The following TENM2 variants were observed in gnomAD, a reference collection of about 807,000 sequenced individuals.
The protein encoded by TENM2 is teneurin transmembrane protein 2.
In TENM2, 52 loss-of-function variants were observed where a neutral mutation model predicts 245.2. The ratio of observed to expected loss-of-function variants is 0.21; its 90% CI spans 0.17 to 0.27. The LOEUF (loss-of-function observed/expected upper bound fraction) is 0.27, where lower values mean the gene tolerates loss of function less well. Among genes scored for constraint, TENM2 ranks in the 10% least tolerant of loss-of-function variants. TENM2 has a pLI of 1.00. For synonymous variants in TENM2, 1,363 were observed against 1,438.9 expected (o/e 0.95, Z 1.19); for missense variants, 3,046 against 3,666.8 (o/e 0.83, Z 4.37).
chr5:167,258,281 A>T, the TENM2 span, among the ~76,000 whole-genome samples: 1 of 149,660 alleles, frequency 6.7e-6, no homozygotes, highest in Non-Finnish European at 1.5e-5. Context: ...ATCAGATAGG[A>T]AAGTGTTCAG....
intron 2 of TENM2, among the ~76,000 whole-genome samples, chr5:167,563,164 G>A (rs747260201): frequency 7.9e-5 from 12 of 152,044 alleles, no homozygotes; most frequent in Non-Finnish European, 1.5e-4. Context: ...GGCTTTTCCT[G>A]AAAAAGGTGC....
intron 13 of TENM2, among the ~76,000 whole-genome samples, chr5:168,182,478 G>T (rs1240586480): frequency 6.6e-6 from 1 of 152,108 alleles, no homozygotes; most frequent in African/African-American, 2.4e-5. Flanking sequence ...CTATAGATTG[G>T]AAAACTGAGC....
rs189793591 is a variant in TENM2 at position 167,353,753 on chromosome 5, C to T, written c.227-21445C>T. On this transcript the variant is annotated intron_variant, in intron 1 of 28. Transcript: ENST00000518659. ...CGATCTCCTGACCTCGTGATCCGCC[C>T]GCCTCGGCCTCCCAAAGTGCTGGGA... Among the ~76,000 whole-genome samples the T allele has an allele frequency of 1.7e-3, 253 of 151,842 alleles. 3 individuals carry two copies. In the East Asian group the frequency reaches 0.042, roughly 25 times the overall value.
chr5:168,121,406 T>C (rs557150883), intron 10 of TENM2, among the ~76,000 whole-genome samples: 2 of 152,354 alleles, frequency 1.3e-5, no homozygotes, highest in East Asian at 3.9e-4. Context: ...TTAAAATTCA[T>C]AGTAAAACTG....
At chr5:167,170,654 A>G in the TENM2 span, among the ~76,000 whole-genome samples, 1 of 152,058 alleles carries the variant, frequency 6.6e-6, no homozygotes, top group African/African-American at 2.4e-5. Flanking sequence ...TTTTGTTTTT[A>G]TTTTGGTTTA....
chr5:167,721,544 A>G (rs981925580), intron 2 of TENM2: 11 of 152,204 alleles, frequency 7.2e-5, no homozygotes, highest in Admixed American at 5.2e-4. Context: ...TCCTTGGTTC[A>G]TGGCCCCTTC....
chr5:167,547,525 C>T (rs1050641737), intron 2 of TENM2, among the ~76,000 whole-genome samples: 13 of 152,276 alleles, frequency 8.5e-5, no homozygotes, highest in Middle Eastern at 3.4e-3. Context: ...AAATTTATTT[C>T]TTTTTAATCA....
intron 2 of TENM2, among the ~76,000 whole-genome samples, chr5:167,829,824 CATTAG>C (rs1768309871): frequency 6.6e-6 from 1 of 152,126 alleles, no homozygotes; most frequent in Non-Finnish European, 1.5e-5. Flanking sequence ...AGCAGACTTT[CATTAG>C]CTGGCATGTG....
At chr5:167,843,313 G>A (rs1769721372) in intron 2 of TENM2, among the ~76,000 whole-genome samples, 1 of 152,120 alleles carries the variant, frequency 6.6e-6, no homozygotes, top group South Asian at 2.1e-4. Flanking sequence ...TTGCTTGTGT[G>A]TTTGTTTTAG....
chr5:167,579,742 A>G (rs759839038), intron 2 of TENM2, among the ~76,000 whole-genome samples: 4 of 152,288 alleles, frequency 2.6e-5, no homozygotes, highest in Non-Finnish European at 5.9e-5. Context: ...CTGATGGTCA[A>G]AGACAGTTTA....
At chr5:166,989,999 G>A in the TENM2 span, among the ~76,000 whole-genome samples, 1 of 151,824 alleles carries the variant, frequency 6.6e-6, no homozygotes, top group Non-Finnish European at 1.5e-5. Context: ...TAATTCACCT[G>A]GAATGGGCTG....
intron 4 of TENM2, among the ~76,000 whole-genome samples, chr5:167,988,743 G>A (rs1783433977): frequency 6.6e-6 from 1 of 152,182 alleles, no homozygotes; most frequent in Non-Finnish European, 1.5e-5. Context: ...AAAGACACCT[G>A]ATTTTATTCT....
intron 2 of TENM2, among the ~76,000 whole-genome samples, chr5:167,380,727 T>A (rs1428799340): frequency 6.6e-6 from 1 of 152,126 alleles, no homozygotes; most frequent in Non-Finnish European, 1.5e-5. Context: ...TGGTGGATAA[T>A]CATTTGGTTT....
intron 3 of TENM2, among the ~76,000 whole-genome samples, chr5:167,891,264 T>C (rs1774734309): frequency 6.6e-6 from 1 of 152,164 alleles, no homozygotes; most frequent in South Asian, 2.1e-4. Flanking sequence ...CTTTGCACAA[T>C]TACTCTCTTT....
chr5:167,608,963 C>G (rs1324218812), intron 2 of TENM2, among the ~76,000 whole-genome samples: 1 of 149,658 alleles, frequency 6.7e-6, no homozygotes, highest in African/African-American at 2.4e-5. Flanking sequence ...TTGAGGAAAT[C>G]CACACCCTAC....
intron 4 of TENM2, among the ~76,000 whole-genome samples, chr5:167,959,032 GC>G (rs1001271370): frequency 1.7e-4 from 26 of 152,216 alleles, no homozygotes; most frequent in African/African-American, 5.8e-4. Context: ...GGCCTGTCTT[GC>G]TAGGTTGGGG....
chr5:167,348,458 G>A (rs955703421), intron 1 of TENM2, among the ~76,000 whole-genome samples: 1 of 152,162 alleles, frequency 6.6e-6, no homozygotes, highest in Non-Finnish European at 1.5e-5. Flanking sequence ...TTATCCTGGC[G>A]ACAGCTTGCT....
intron 2 of TENM2, among the ~76,000 whole-genome samples, chr5:167,611,906 T>C (rs1229894536): frequency 6.6e-6 from 1 of 152,058 alleles, no homozygotes; most frequent in African/African-American, 2.4e-5. Context: ...GGTTTTAACA[T>C]ATGAATTTTG....
chr5:168,213,768 A>G (rs1285076829), intron 20 of TENM2, among the ~76,000 whole-genome samples: 2 of 152,170 alleles, frequency 1.3e-5, no homozygotes, highest in Non-Finnish European at 2.9e-5. Flanking sequence ...CAGGGATTTC[A>G]GGCTGCAGTG....
Sources: gnomAD v4.1 joint callset for allele counts (sites outside exome capture counted in the v4.1 genomes callset) on GRCh38, gnomAD v4.1.1 for gene constraint, MANE v1.5 for transcripts, NCBI Gene and HGNC (gene_info 2026-07-23, HGNC 2026-07-21) for gene names.